Variants in LINGO2 observed in about 807,000 individuals in gnomAD.
LINGO2 encodes leucine rich repeat and Ig domain containing 2.
LINGO2 carries 14 observed loss-of-function variants against 30.6 expected under a neutral mutation model. The ratio of observed to expected loss-of-function variants is 0.46; its 90% CI spans 0.30 to 0.72. The LOEUF is 0.72. Ranked by LOEUF, LINGO2 falls within the 30% of genes least tolerant of loss-of-function variation. The pLI is 0.07. For synonymous variants in LINGO2, 317 were observed against 288.5 expected (o/e 1.10, Z -1.00); for missense variants, 729 against 751.7 (o/e 0.97, Z 0.35).
At chr9:28,760,702 C>A in the LINGO2 span, among the ~76,000 whole-genome samples, 1 of 151,602 alleles carries the variant, frequency 6.6e-6, no homozygotes, top group Non-Finnish European at 1.5e-5. Flanking sequence ...CATTCTTATG[C>A]CTTTGCCTTC....
the LINGO2 span, among the ~76,000 whole-genome samples, chr9:29,046,274 T>C: frequency 6.6e-6 from 1 of 152,072 alleles, no homozygotes; most frequent in Admixed American, 6.6e-5. Flanking sequence ...GGATTTGTCA[T>C]AGACAGCCTC....
intron 2 of LINGO2, among the ~76,000 whole-genome samples, chr9:28,403,782 A>C (rs1157253525): frequency 6.6e-6 from 1 of 152,056 alleles, no homozygotes; most frequent in Non-Finnish European, 1.5e-5. Flanking sequence ...TGCCTATAAA[A>C]TTGTGAGCCT....
chr9:28,785,221 T>A, the LINGO2 span, among the ~76,000 whole-genome samples: 1 of 152,168 alleles, frequency 6.6e-6, no homozygotes, highest in Admixed American at 6.5e-5. Flanking sequence ...TAGAACACAT[T>A]ACATTATGAA....
chr9:28,556,640 A>C (rs1822715445), intron 1 of LINGO2, among the ~76,000 whole-genome samples: 1 of 152,052 alleles, frequency 6.6e-6, no homozygotes, highest in South Asian at 2.1e-4. Flanking sequence ...GAATTGGAAA[A>C]AACTACTTTA....
the LINGO2 span, among the ~76,000 whole-genome samples, chr9:28,966,014 A>C: frequency 6.6e-6 from 1 of 152,182 alleles, no homozygotes; most frequent in Non-Finnish European, 1.5e-5. Context: ...GTAGAAGCTC[A>C]ATCCACAGAC....
chr9:28,987,741 C>A, the LINGO2 span, among the ~76,000 whole-genome samples: 1 of 152,064 alleles, frequency 6.6e-6, no homozygotes, highest in Non-Finnish European at 1.5e-5. Context: ...GTCATATTTT[C>A]ATTTCCATTC....
intron 4 of LINGO2, among the ~76,000 whole-genome samples, chr9:28,029,416 C>A (rs1172505578): frequency 1.3e-5 from 2 of 152,126 alleles, no homozygotes; most frequent in Non-Finnish European, 2.9e-5. Flanking sequence ...CTCAGAGCTA[C>A]TCGGTTAACA....
chr9:27,966,635 C>A (rs1466996724), intron 5 of LINGO2, among the ~76,000 whole-genome samples: 2 of 151,962 alleles, frequency 1.3e-5, no homozygotes, highest in African/African-American at 4.8e-5. Context: ...GGCTTAAAAC[C>A]TAGATGACAG....
At chr9:28,554,295 T>A (rs1481288701) in intron 1 of LINGO2, among the ~76,000 whole-genome samples, 1 of 149,924 alleles carries the variant, frequency 6.7e-6, no homozygotes, top group Non-Finnish European at 1.5e-5. Context: ...AATAAAAGGA[T>A]GGAGGAAGAT....
At chr9:29,000,075 T>G in the LINGO2 span, among the ~76,000 whole-genome samples, 1 of 152,020 alleles carries the variant, frequency 6.6e-6, no homozygotes, top group African/African-American at 2.4e-5. Flanking sequence ...GAATGTATGA[T>G]TAATGACGTA....
At chr9:28,152,860 A>G (rs928163280) in intron 4 of LINGO2, among the ~76,000 whole-genome samples, 33 of 152,304 alleles carry the variant, frequency 2.2e-4, no homozygotes, top group African/African-American at 5.8e-4. Flanking sequence ...ATAACTGATA[A>G]ATCTAAATAA....
chr9:28,412,859 C>T (rs1822822394), intron 2 of LINGO2, among the ~76,000 whole-genome samples: 1 of 151,944 alleles, frequency 6.6e-6, no homozygotes, highest in Non-Finnish European at 1.5e-5. Flanking sequence ...TAACTTTATG[C>T]AGATTTTGTT....
intron 2 of LINGO2, among the ~76,000 whole-genome samples, chr9:28,377,969 A>G (rs949708188): frequency 1.1e-4 from 16 of 152,214 alleles, no homozygotes; most frequent in African/African-American, 3.9e-4. Flanking sequence ...CAAGCAGTGA[A>G]CACTGCTCCA....
chr9:27,942,223 T>C, the LINGO2 span: 42,991 of 152,046 alleles, frequency 0.28, 6,688 homozygotes, highest in Middle Eastern at 0.45. Context: ...CACCTTAGCA[T>C]TTGAATGAGA....
chr9:28,026,854 T>C (rs1020373365), intron 4 of LINGO2, among the ~76,000 whole-genome samples: 1 of 152,230 alleles, frequency 6.6e-6, no homozygotes, highest in South Asian at 2.1e-4. Context: ...GATGTCATTA[T>C]GACTAAACTT....
Position 28,580,632 on chromosome 9 carries a change from T to C in LINGO2, c.-365+89568A>G, listed in dbSNP as rs1378208393. Among the ~76,000 whole-genome samples, 6 of 152,150 alleles carry C rather than the reference T, an allele frequency of 3.9e-5. No homozygotes were observed. The East Asian group carries it at 1.2e-3, about 29-fold the overall frequency. The stretch of plus-strand genomic sequence containing the variant: ...AATGGAATGTTGTATGGTTATACTG[T>C]CTGCTAAATGCACTGCTAAATCCAC... On this transcript the variant is annotated intron_variant, in intron 1 of 5. Transcript: ENST00000379992.
At chr9:28,840,048 C>T in the LINGO2 span, among the ~76,000 whole-genome samples, 1 of 149,480 alleles carries the variant, frequency 6.7e-6, no homozygotes, top group Non-Finnish European at 1.5e-5. Flanking sequence ...GGCTCAGCCA[C>T]AACCCTGCTC....
At chr9:29,194,363 T>C in the LINGO2 span, among the ~76,000 whole-genome samples, 4 of 152,150 alleles carry the variant, frequency 2.6e-5, no homozygotes, top group African/African-American at 9.7e-5. Flanking sequence ...TGTTCTGCTA[T>C]ATATAGACTC....
At chr9:29,055,721 C>T in the LINGO2 span, among the ~76,000 whole-genome samples, 1 of 152,040 alleles carries the variant, frequency 6.6e-6, no homozygotes, top group Admixed American at 6.6e-5. Flanking sequence ...CTCCCTCCCA[C>T]CCTTTCACCA....
Sources: allele counts gnomAD v4.1 joint callset (sites outside exome capture counted in the v4.1 genomes callset), GRCh38; gene constraint gnomAD v4.1.1; transcripts MANE v1.5; gene names NCBI Gene and HGNC (gene_info 2026-07-23, HGNC 2026-07-21).